The following TPST1 variants were observed in gnomAD, a reference collection of about 807,000 sequenced individuals.
The protein encoded by TPST1 is tyrosylprotein sulfotransferase 1.
In TPST1, 20 loss-of-function variants were observed where a neutral mutation model predicts 34.8. The ratio of observed to expected loss-of-function variants is 0.57; its 90% confidence interval spans 0.40 to 0.84. TPST1 has a LOEUF of 0.84. Among genes scored for constraint, TPST1 ranks in the 40% least tolerant of loss-of-function variants. The probability of loss-of-function intolerance (pLI) is 0.00; values close to 1 mark genes in which losing one functional copy is unlikely to be tolerated. For synonymous variants in TPST1, 152 were observed against 159.4 expected (o/e 0.95, Z 0.35); for missense variants, 353 against 455.5 (o/e 0.78, Z 2.05).
At chr7:66,206,514 G>A (rs1192329873) in intron 1 of TPST1, among the ~76,000 whole-genome samples, 1 of 152,126 alleles carries the variant, frequency 6.6e-6, no homozygotes, top group Non-Finnish European at 1.5e-5. Context: ...CCAGTAAAGC[G>A]ATTAAATGGT....
chr7:66,253,601 G>C (rs754733537), intron 2 of TPST1, among the ~76,000 whole-genome samples: 1 of 151,526 alleles, frequency 6.6e-6, no homozygotes, highest in African/African-American at 2.4e-5. Context: ...TCTCTCTCCT[G>C]ACCTTGTGAT....
At chr7:66,354,433 C>T (rs1007821393) in intron 4 of TPST1, among the ~76,000 whole-genome samples, 5 of 150,474 alleles carry the variant, frequency 3.3e-5, no homozygotes, top group Non-Finnish European at 7.4e-5. Flanking sequence ...CAGTGACACC[C>T]CGTCTCTACT....
chr7:66,335,454 CAA>C (rs879285004), intron 3 of TPST1, among the ~76,000 whole-genome samples: 4 of 131,744 alleles, frequency 3.0e-5, no homozygotes, highest in South Asian at 2.4e-4. Context: ...AACTGTGTCT[CAA>C]AAAAAAAAAA....
intron 2 of TPST1, among the ~76,000 whole-genome samples, chr7:66,263,767 A>C (rs1333193119): frequency 1.3e-5 from 2 of 152,184 alleles, no homozygotes; most frequent in East Asian, 3.8e-4. Context: ...AAGTTTTGCT[A>C]TTTGGGGGTG....
At chr7:66,333,142 G>A (rs1369831006) in intron 3 of TPST1, among the ~76,000 whole-genome samples, 1 of 152,186 alleles carries the variant, frequency 6.6e-6, no homozygotes, top group African/African-American at 2.4e-5. Flanking sequence ...TCCCACAGTT[G>A]AAGGCTGTTC....
intron 2 of TPST1, among the ~76,000 whole-genome samples, chr7:66,249,988 T>C (rs1416835587): frequency 6.6e-6 from 1 of 152,250 alleles, no homozygotes; most frequent in Non-Finnish European, 1.5e-5. Context: ...ACTTTGAAGC[T>C]GGCTAGACTT....
At chr7:66,234,878 G>A (rs1013721477) in intron 1 of TPST1, among the ~76,000 whole-genome samples, 3 of 151,890 alleles carry the variant, frequency 2.0e-5, no homozygotes, top group Non-Finnish European at 4.4e-5. Context: ...GGGTTTCACC[G>A]TAGCAAGGAT....
intron 2 of TPST1, among the ~76,000 whole-genome samples, chr7:66,266,654 A>G (rs1430965112): frequency 6.6e-6 from 1 of 152,270 alleles, no homozygotes; most frequent in African/African-American, 2.4e-5. Flanking sequence ...AGGGGGATGT[A>G]TAAATAAAAT....
At chr7:66,223,943 C>G (rs1469330216) in intron 1 of TPST1, among the ~76,000 whole-genome samples, 1 of 152,162 alleles carries the variant, frequency 6.6e-6, no homozygotes, top group East Asian at 1.9e-4. Flanking sequence ...GCTCCTGTCT[C>G]CATTTGTGTT....
At chr7:66,329,205 TCTC>T (rs1562847504) in intron 3 of TPST1, among the ~76,000 whole-genome samples, 1 of 151,920 alleles carries the variant, frequency 6.6e-6, no homozygotes, top group Non-Finnish European at 1.5e-5. Context: ...GTGAGCCACT[TCTC>T]CTGGCCCACA....
intron 2 of TPST1, among the ~76,000 whole-genome samples, chr7:66,281,683 G>C (rs1000201224): frequency 2.6e-5 from 4 of 152,098 alleles, no homozygotes; most frequent in African/African-American, 7.2e-5. Flanking sequence ...TAACCACTTG[G>C]ATTATGTACT....
chr7:66,331,871 C>T (rs1792001202), intron 3 of TPST1, among the ~76,000 whole-genome samples: 1 of 152,046 alleles, frequency 6.6e-6, no homozygotes, highest in African/African-American at 2.4e-5. Flanking sequence ...CTCATAGGAG[C>T]ACGAACACTT....
chr7:66,342,780 A>C (rs943152460), intron 3 of TPST1, among the ~76,000 whole-genome samples: 3 of 152,120 alleles, frequency 2.0e-5, no homozygotes, highest in Non-Finnish European at 2.9e-5. Flanking sequence ...TGCGTGAACT[A>C]TAGTTATAGA....
At chr7:66,276,902 T>C (rs1332631276) in intron 2 of TPST1, among the ~76,000 whole-genome samples, 1 of 152,180 alleles carries the variant, frequency 6.6e-6, no homozygotes, top group East Asian at 1.9e-4. Flanking sequence ...TGTCACTCAT[T>C]TTTACTGAAA....
intron 3 of TPST1, among the ~76,000 whole-genome samples, chr7:66,314,330 C>T: frequency 6.6e-6 from 1 of 152,110 alleles, no homozygotes; most frequent in Non-Finnish European, 1.5e-5. Flanking sequence ...AGCCCAGGAA[C>T]TCAAGACCAG....
At chr7:66,266,348 C>G (rs1202485947) in intron 2 of TPST1, among the ~76,000 whole-genome samples, 3 of 151,082 alleles carry the variant, frequency 2.0e-5, no homozygotes, top group Non-Finnish European at 1.5e-5. Flanking sequence ...CAGTGAGATA[C>G]CCCTCTATAT....
chr7:66,221,424 G>A (rs1317330356), intron 1 of TPST1, among the ~76,000 whole-genome samples: 1 of 152,120 alleles, frequency 6.6e-6, no homozygotes, highest in Non-Finnish European at 1.5e-5. Context: ...GAGAGAAAGT[G>A]GTTCATTGAC....
chr7:66,300,828 C>T (rs1041429170), intron 3 of TPST1, among the ~76,000 whole-genome samples: 2 of 151,998 alleles, frequency 1.3e-5, no homozygotes, highest in Non-Finnish European at 1.5e-5. Flanking sequence ...TGTGTGTAAT[C>T]CCAGCCACTC....
intron 1 of TPST1, among the ~76,000 whole-genome samples, chr7:66,231,318 G>T (rs964475011): frequency 6.6e-6 from 1 of 152,376 alleles, no homozygotes. Flanking sequence ...CCGCACCGGG[G>T]CTGCATGTGG....
Sources: gnomAD v4.1 joint callset for allele counts (sites outside exome capture counted in the v4.1 genomes callset) on GRCh38, gnomAD v4.1.1 for gene constraint, MANE v1.5 for transcripts, NCBI Gene and HGNC (gene_info 2026-07-23, HGNC 2026-07-21) for gene names.